The following CSMD1 variants were observed in gnomAD, a reference collection of about 807,000 sequenced individuals.
CSMD1 encodes CUB and Sushi multiple domains 1.
Under a neutral mutation model 417.5 loss-of-function variants are expected in CSMD1, and 213 were observed. The ratio of observed to expected loss-of-function variants is 0.51; its 90% confidence interval spans 0.46 to 0.57. The LOEUF (loss-of-function observed/expected upper bound fraction) is 0.57, where lower values mean the gene tolerates loss of function less well. Ranked by LOEUF, CSMD1 falls within the 20% of genes least tolerant of loss-of-function variation. The probability of loss-of-function intolerance (pLI) is 0.00; values close to 1 mark genes in which losing one functional copy is unlikely to be tolerated. For synonymous variants in CSMD1, 2,862 were observed against 1,736.8 expected (o/e 1.65, Z -16.11); for missense variants, 6,923 against 4,529.7 (o/e 1.53, Z -15.17).
At chr8:2,959,586 C>T (rs1328636640) in intron 62 of CSMD1, among the ~76,000 whole-genome samples, 1 of 152,010 alleles carries the variant, frequency 6.6e-6, no homozygotes, top group African/African-American at 2.4e-5. Context: ...TATACCGAGC[C>T]ACTGCAAACT....
chr8:4,965,282 A>T (rs1809785380), intron 1 of CSMD1, among the ~76,000 whole-genome samples: 1 of 152,216 alleles, frequency 6.6e-6, no homozygotes, highest in Admixed American at 6.5e-5. Flanking sequence ...CTTACTGAGT[A>T]CTTATTGTGT....
chr8:3,338,479 C>T (rs1404450889), intron 23 of CSMD1, among the ~76,000 whole-genome samples: 1 of 152,156 alleles, frequency 6.6e-6, no homozygotes, highest in African/African-American at 2.4e-5. Flanking sequence ...TCAGGATCCC[C>T]CAAAAATGAA....
intron 1 of CSMD1, among the ~76,000 whole-genome samples, chr8:4,674,585 A>C (rs1463170007): frequency 6.6e-6 from 1 of 152,188 alleles, no homozygotes; most frequent in East Asian, 1.9e-4. Context: ...CCGTTCTGGT[A>C]CTTGAAGCTT....
intron 3 of CSMD1, among the ~76,000 whole-genome samples, chr8:4,317,917 A>G (rs1799027886): frequency 6.6e-6 from 1 of 152,206 alleles, no homozygotes; most frequent in Admixed American, 6.5e-5. Flanking sequence ...GGAGAACAAA[A>G]TGTCAAGAAT....
chr8:4,150,675 GT>G (rs2131052598), intron 3 of CSMD1, among the ~76,000 whole-genome samples: 1 of 152,310 alleles, frequency 6.6e-6, no homozygotes, highest in South Asian at 2.1e-4. Context: ...CAGATAAGGA[GT>G]GTTTAGCATT....
intron 3 of CSMD1, among the ~76,000 whole-genome samples, chr8:4,133,090 C>T (rs945184041): frequency 1.3e-5 from 2 of 152,050 alleles, no homozygotes; most frequent in East Asian, 3.9e-4. Flanking sequence ...TGTACGCCAC[C>T]ATGCCCGGAT....
chr8:3,970,694 A>C (rs1254730919), intron 5 of CSMD1, among the ~76,000 whole-genome samples: 1 of 152,194 alleles, frequency 6.6e-6, no homozygotes, highest in East Asian at 1.9e-4. Flanking sequence ...ATGTATATTT[A>C]TATGTCCATG....
chr8:3,275,104 G>A (rs1316367204), intron 26 of CSMD1, among the ~76,000 whole-genome samples: 4 of 152,136 alleles, frequency 2.6e-5, no homozygotes, highest in Non-Finnish European at 5.9e-5. Flanking sequence ...TCCTTCAGGA[G>A]CTCTGTTAGT....
At chr8:2,965,504 G>C (rs1457485146) in intron 59 of CSMD1, among the ~76,000 whole-genome samples, 4 of 152,132 alleles carry the variant, frequency 2.6e-5, no homozygotes, top group Admixed American at 1.3e-4. Flanking sequence ...ACAGACTCTA[G>C]GGTGGCGTGA....
At chr8:3,143,711 T>C (rs1293381272) in intron 40 of CSMD1, among the ~76,000 whole-genome samples, 1 of 152,170 alleles carries the variant, frequency 6.6e-6, no homozygotes, top group Non-Finnish European at 1.5e-5. Flanking sequence ...AAAAGAAAGC[T>C]TTACTCTGCA....
intron 5 of CSMD1, among the ~76,000 whole-genome samples, chr8:3,958,084 T>C (rs141610521): frequency 6.6e-6 from 1 of 152,210 alleles, no homozygotes; most frequent in Non-Finnish European, 1.5e-5. Context: ...TAACTTTTAT[T>C]ACTATAATGC....
At chr8:3,550,418 G>A (rs1284153087) in intron 10 of CSMD1, among the ~76,000 whole-genome samples, 1 of 152,176 alleles carries the variant, frequency 6.6e-6, no homozygotes, top group East Asian at 1.9e-4. Flanking sequence ...GCATGGCTCA[G>A]CAGACAGCCC....
chr8:4,794,142 T>A (rs1424843141), intron 1 of CSMD1, among the ~76,000 whole-genome samples: 1 of 152,226 alleles, frequency 6.6e-6, no homozygotes, highest in Non-Finnish European at 1.5e-5. Context: ...TATTCTCTAA[T>A]AGACAGTCAA....
chr8:3,960,979 T>TA (rs1199545767), intron 5 of CSMD1, among the ~76,000 whole-genome samples: 1 of 151,924 alleles, frequency 6.6e-6, no homozygotes, highest in Non-Finnish European at 1.5e-5. Flanking sequence ...TAAATTCTTT[T>TA]AAAAATATAT....
intron 1 of CSMD1, among the ~76,000 whole-genome samples, chr8:4,913,581 A>G (rs1263194758): frequency 6.6e-6 from 1 of 152,220 alleles, no homozygotes; most frequent in Non-Finnish European, 1.5e-5. Flanking sequence ...TCCACAGCTC[A>G]TTTAATAATG....
At chr8:4,151,128 G>A (rs1045517749) in intron 3 of CSMD1, among the ~76,000 whole-genome samples, 1 of 152,180 alleles carries the variant, frequency 6.6e-6, no homozygotes, top group Admixed American at 6.5e-5. Flanking sequence ...TAGGATCCCT[G>A]TTCACCAAAT....
At chr8:4,754,905 A>C (rs1811572926) in intron 1 of CSMD1, among the ~76,000 whole-genome samples, 1 of 151,568 alleles carries the variant, frequency 6.6e-6, no homozygotes, top group Admixed American at 6.6e-5. Flanking sequence ...TTGTGAATCC[A>C]AGGTGGGTGG....
intron 5 of CSMD1, among the ~76,000 whole-genome samples, chr8:3,926,888 G>A (rs532710176): frequency 2.4e-4 from 37 of 151,552 alleles, no homozygotes; most frequent in African/African-American, 8.0e-4. Context: ...GCTAAGTTTT[G>A]TATTTTTAGT....
At chr8:4,024,243 T>A (rs559508564) in intron 4 of CSMD1, among the ~76,000 whole-genome samples, 1 of 152,264 alleles carries the variant, frequency 6.6e-6, no homozygotes, top group African/African-American at 2.4e-5. Flanking sequence ...TTAATACTCA[T>A]ATCAAGGTGT....
Sources: allele counts gnomAD v4.1 joint callset (sites outside exome capture counted in the v4.1 genomes callset), GRCh38; gene constraint gnomAD v4.1.1; transcripts MANE v1.5; gene names NCBI Gene and HGNC (gene_info 2026-07-23, HGNC 2026-07-21).